The following ORC3 variants were observed in gnomAD, a reference collection of about 807,000 sequenced individuals.
ORC3 encodes the protein origin recognition complex subunit 3, also known as homolog of latheo, Drosophila.
ORC3 carries 78 observed loss-of-function variants against 100.7 expected under a neutral mutation model. That is an observed-to-expected ratio of 0.77 (90% CI 0.65 to 0.94). ORC3 has a LOEUF of 0.94. Ranked by LOEUF, ORC3 falls within the 40% of genes least tolerant of loss-of-function variation. The pLI, the probability that ORC3 is intolerant of heterozygous loss-of-function variation, is 0.00. For synonymous variants in ORC3, 295 were observed against 289.3 expected (o/e 1.02, Z -0.20); for missense variants, 789 against 823.9 (o/e 0.96, Z 0.52).
chr6:87,657,025 C>A, intron 15 of ORC3, 43 bp downstream of exon 15: 4 of 1,287,964 alleles, frequency 3.1e-6, no homozygotes, highest in South Asian at 2.4e-5. Flanking sequence ...CTGTGACACT[C>A]CCTTTTTTCA....
the ORC3 span, chr6:87,677,739 A>AAGTGAAATT: frequency 4.0e-6 from 6 of 1,491,380 alleles, no homozygotes; most frequent in Admixed American, 9.4e-5. Flanking sequence ...AGTGTATAGA[A>AAGTGAAATT]AGTGAAATTA....
chr6:87,649,686 C>T (rs957377641), intron 13 of ORC3, among the ~76,000 whole-genome samples: 5 of 152,184 alleles, frequency 3.3e-5, no homozygotes, highest in African/African-American at 9.7e-5. Flanking sequence ...GCAGAGGTTG[C>T]GGTGAGCTGA....
At chr6:87,659,337 C>T (rs1430254172) in intron 16 of ORC3, among the ~76,000 whole-genome samples, 3 of 151,874 alleles carry the variant, frequency 2.0e-5, no homozygotes, top group Non-Finnish European at 4.4e-5. Flanking sequence ...GCTGGGATTA[C>T]AGGCGTGAGC....
chr6:87,629,483 T>C (rs777978356), intron 11 of ORC3, among the ~76,000 whole-genome samples: 2 of 152,316 alleles, frequency 1.3e-5, no homozygotes, highest in Admixed American at 6.5e-5. Flanking sequence ...GTTTTACATA[T>C]GTATTGACTT....
At chr6:87,657,086 A>G (rs1769773669) in intron 15 of ORC3, 104 bp downstream of exon 15, 1 of 765,986 alleles carries the variant, frequency 1.3e-6, no homozygotes, top group South Asian at 1.5e-5. Flanking sequence ...TCATTTTTAA[A>G]CCACAACCAG....
chr6:87,667,032 G>A lies in ORC3; in HGVS notation c.2045G>A (p.Arg682Lys). The part of the protein sequence containing the change: ...MNEIIHARFI[R>K]AVSELELLGF... ...AAAGCCTCCAGTGCTCGGTTTATTA[G>A]AGCTGTTTCTGAACTAGAACTTTTA... The change falls in exon 20 of 20, where the codon AGA becomes AAA. Residue 682 changes from arginine (R) to lysine (K), a missense_variant. By Grantham distance (26) the Arg-to-Lys change is conservative (BLOSUM62 2). Transcript: ENST00000392844. The A allele has an allele frequency of 6.2e-7, 1 of 1,609,496 alleles. No individual in the cohort carries two copies. The highest frequency in any genetic ancestry group is 8.5e-7 in the Non-Finnish European group (1 of 1,177,710).
chr6:87,602,956 TATATATATATATATAC>T (rs1369113657), intron 3 of ORC3, among the ~76,000 whole-genome samples: 4 of 91,324 alleles, frequency 4.4e-5, no homozygotes, highest in Non-Finnish European at 6.3e-5. Flanking sequence ...ACATATATAA[TATATATATATATATAC>T]ATATATATAT....
At chr6:87,602,827 TCTTTA>T (rs1296724544) in intron 3 of ORC3, among the ~76,000 whole-genome samples, 2 of 150,484 alleles carry the variant, frequency 1.3e-5, no homozygotes, top group Non-Finnish European at 2.9e-5. Flanking sequence ...TCCAATTATG[TCTTTA>T]CTTCACATCC....
At chr6:87,599,517 G>T (rs1182249274) in intron 2 of ORC3, among the ~76,000 whole-genome samples, 1 of 151,952 alleles carries the variant, frequency 6.6e-6, no homozygotes, top group African/African-American at 2.4e-5. Context: ...ACAGGTGTAT[G>T]CCACCACGCC....
chr6:87,677,519 T>C, the ORC3 span, among the ~76,000 whole-genome samples: 2 of 152,164 alleles, frequency 1.3e-5, no homozygotes, highest in Non-Finnish European at 2.9e-5. Context: ...GGTAACGTTA[T>C]GAAAAATATA....
intron 13 of ORC3, among the ~76,000 whole-genome samples, chr6:87,645,682 T>A (rs1476866032): frequency 6.6e-6 from 1 of 152,210 alleles, no homozygotes; most frequent in Non-Finnish European, 1.5e-5. Context: ...TGGCCAGTTT[T>A]TCCTTGTAGC....
intron 12 of ORC3, among the ~76,000 whole-genome samples, 155 bp downstream of exon 12, chr6:87,635,116 G>A (rs917123170): frequency 6.6e-6 from 1 of 152,190 alleles, no homozygotes; most frequent in African/African-American, 2.4e-5. Flanking sequence ...AACATTACTG[G>A]TAATTGATAT....
At position 87,658,019 on chromosome 6, in the gene ORC3, G is replaced by T; in HGVS notation, c.1691+1G>T. The T allele has an allele frequency of 1.3e-6, 2 of 1,552,030 alleles. No homozygotes were observed. The highest frequency in any genetic ancestry group is 1.8e-6 in the Non-Finnish European group (2 of 1,124,702). On this transcript the variant is annotated splice_donor_variant, in intron 16 of 19. Coordinates refer to ENST00000392844, the MANE Select transcript of ORC3 (RefSeq NM_012381.4). LOFTEE classifies it high-confidence loss of function. ...TGAACTTCATTGACTGTCTAGTGAG[G>T]TAAGTCTAAATTTAGCTCTTAAGAG...
chr6:87,666,508 G>A (rs903329051), intron 19 of ORC3, among the ~76,000 whole-genome samples: 4 of 142,086 alleles, frequency 2.8e-5, no homozygotes, highest in African/African-American at 1.1e-4. Context: ...GCACGATCTC[G>A]GCTCACCGCA....
chr6:87,625,772 C>T lies in ORC3; in HGVS notation c.1185+3759C>T, dbSNP rs542926531. Among the ~76,000 whole-genome samples the T allele has an allele frequency of 5.9e-5, 9 of 152,120 alleles. No individual in the cohort carries two copies. The South Asian group carries it at 1.9e-3, about 32-fold the overall frequency. The stretch of plus-strand genomic sequence containing the variant: ...TCAGTCATGAAGTCTTTGCCCATGC[C>T]TAGTCTTGGTATTGCTTAGGTTTTC... On this transcript the variant is annotated intron_variant, in intron 11 of 19. Transcript: ENST00000392844.
At chr6:87,628,135 C>T (rs1780057574) in intron 11 of ORC3, among the ~76,000 whole-genome samples, 1 of 152,130 alleles carries the variant, frequency 6.6e-6, no homozygotes, top group Admixed American at 6.6e-5. Flanking sequence ...GAAAACCAAG[C>T]ACCACATGTT....
chr6:87,669,618 TA>T, downstream of ORC3, among the ~76,000 whole-genome samples: 1 of 152,360 alleles, frequency 6.6e-6, no homozygotes, highest in Admixed American at 6.5e-5. Context: ...GATCAAAGAA[TA>T]AATTTCTCAT....
chr6:87,627,929 T>C (rs1392882243), intron 11 of ORC3, among the ~76,000 whole-genome samples: 1 of 152,168 alleles, frequency 6.6e-6, no homozygotes, highest in Admixed American at 6.5e-5. Context: ...AGTTCCCACC[T>C]AAACAAATGA....
At chr6:87,599,166 C>G (rs886784262) in intron 2 of ORC3, among the ~76,000 whole-genome samples, 1 of 152,082 alleles carries the variant, frequency 6.6e-6, no homozygotes, top group Non-Finnish European at 1.5e-5. Flanking sequence ...TTAAAGTATC[C>G]TACTGCTGTG....
Sources: gnomAD v4.1 joint callset for allele counts (sites outside exome capture counted in the v4.1 genomes callset) on GRCh38, gnomAD v4.1.1 for gene constraint, MANE v1.5 for transcripts, NCBI Gene and HGNC (gene_info 2026-07-23, HGNC 2026-07-21) for gene names.